Variants in TEAD1 observed in about 807,000 individuals in gnomAD.
The protein encoded by TEAD1 is TEA domain transcription factor 1, also known as transcriptional enhancer factor TEF-1.
Under a neutral mutation model 54.9 loss-of-function variants are expected in TEAD1, and 9 were observed. The observed-to-expected ratio is 0.16, with a 90% CI of 0.10 to 0.29. The LOEUF (loss-of-function observed/expected upper bound fraction) is 0.29, where lower values mean the gene tolerates loss of function less well. Ranked by LOEUF, TEAD1 falls within the 10% of genes least tolerant of loss-of-function variation. The probability of loss-of-function intolerance (pLI) is 1.00; values close to 1 mark genes in which losing one functional copy is unlikely to be tolerated. For synonymous variants in TEAD1, 200 were observed against 187.8 expected (o/e 1.07, Z -0.53); for missense variants, 387 against 535.9 (o/e 0.72, Z 2.74).
chr11:12,836,141 C>G (rs1420665375), intron 3 of TEAD1, among the ~76,000 whole-genome samples: 1 of 151,996 alleles, frequency 6.6e-6, no homozygotes, highest in Non-Finnish European at 1.5e-5. Context: ...ATCTTTTAGG[C>G]CGGGTGTGGT....
intron 2 of TEAD1, among the ~76,000 whole-genome samples, chr11:12,707,625 G>A (rs1010978629): frequency 2.6e-5 from 4 of 152,248 alleles, no homozygotes; most frequent in Admixed American, 2.0e-4. Context: ...CTGCTAGAGA[G>A]AGAGAGGGTG....
At chr11:12,734,784 T>C (rs946199946) in intron 2 of TEAD1, among the ~76,000 whole-genome samples, 9 of 152,204 alleles carry the variant, frequency 5.9e-5, no homozygotes, top group Non-Finnish European at 1.2e-4. Flanking sequence ...GGATATACCA[T>C]GTAGGTTTGT....
chr11:12,748,480 AG>A (rs1008066020), intron 2 of TEAD1, among the ~76,000 whole-genome samples: 1 of 152,194 alleles, frequency 6.6e-6, no homozygotes, highest in Non-Finnish European at 1.5e-5. Flanking sequence ...GTGAAAGGCC[AG>A]GGGTCTCATA....
chr11:12,677,583 GTTC>G (rs1401137653), intron 2 of TEAD1, among the ~76,000 whole-genome samples: 1 of 152,158 alleles, frequency 6.6e-6, no homozygotes, highest in African/African-American at 2.4e-5. Context: ...TGTTTTGTTG[GTTC>G]TTAGAATACA....
chr11:12,894,155 A>AT lies in TEAD1; in HGVS notation c.700-7778dup, dbSNP rs1336682441. Among the ~76,000 whole-genome samples the AT allele has an allele frequency of 3.9e-5, 6 of 152,194 alleles. No homozygotes were observed. The South Asian group carries it at 6.2e-4, about 16-fold the overall frequency. On this transcript the variant is annotated intron_variant, in intron 9 of 12. Transcript: ENST00000527636. Reference sequence around the variant, plus strand: ...TCTTTAAATTCCTAAGTGGATTATAATTTTTTTCTTGGTATTATTTGACAG... The same window carrying AT: ...TCTTTAAATTCCTAAGTGGATTATAATTTTTTTTCTTGGTATTATTTGACAG...
intron 3 of TEAD1, among the ~76,000 whole-genome samples, chr11:12,772,041 T>C (rs1945322220): frequency 6.6e-6 from 1 of 152,200 alleles, no homozygotes; most frequent in South Asian, 2.1e-4. Context: ...CTGGGCTAGC[T>C]GCAGTCTGGG....
chr11:12,704,271 A>T (rs535272128), intron 2 of TEAD1, among the ~76,000 whole-genome samples: 2 of 152,314 alleles, frequency 1.3e-5, no homozygotes, highest in South Asian at 4.1e-4. Context: ...CGGAGGGGCC[A>T]CTGTTTTCCT....
chr11:12,904,612 C>T (rs1442403626), intron 10 of TEAD1, among the ~76,000 whole-genome samples: 3 of 152,128 alleles, frequency 2.0e-5, no homozygotes, highest in African/African-American at 2.4e-5. Context: ...TAATGTAAAG[C>T]AGCACTACCT....
At chr11:12,743,372 C>T (rs1944684251) in intron 2 of TEAD1, among the ~76,000 whole-genome samples, 1 of 152,154 alleles carries the variant, frequency 6.6e-6, no homozygotes, top group Non-Finnish European at 1.5e-5. Context: ...TATCCCCAGA[C>T]TTTAGTATTT....
At chr11:12,879,538 G>C in intron 5 of TEAD1, 170 bp from the exon 6 acceptor site, 1 of 792,556 alleles carries the variant, frequency 1.3e-6, no homozygotes. Flanking sequence ...GGTACGGTAG[G>C]TTGAGTGTGG....
chr11:12,932,585 C>T (rs1039498261), intron 12 of TEAD1, among the ~76,000 whole-genome samples: 3 of 152,142 alleles, frequency 2.0e-5, no homozygotes, highest in Non-Finnish European at 4.4e-5. Context: ...TACAGTTGTG[C>T]ACTGCATAGC....
intron 3 of TEAD1, chr11:12,851,024 T>C: frequency 2.1e-6 from 2 of 966,678 alleles, no homozygotes; most frequent in Non-Finnish European, 2.5e-6. Flanking sequence ...TTGGCAGTGC[T>C]GTCTAATTTT....
intron 3 of TEAD1, among the ~76,000 whole-genome samples, chr11:12,816,181 C>A (rs758936787): frequency 6.6e-5 from 10 of 152,318 alleles, no homozygotes; most frequent in Non-Finnish European, 1.2e-4. Flanking sequence ...TTTTATCAAT[C>A]CGATACTGTT....
At chr11:12,912,491 A>C (rs781336331) in intron 10 of TEAD1, among the ~76,000 whole-genome samples, 1 of 152,148 alleles carries the variant, frequency 6.6e-6, no homozygotes, top group Non-Finnish European at 1.5e-5. Context: ...TCATGTACAG[A>C]CAAGGAGTCC....
At chr11:12,762,275 C>G (rs1945117664) in intron 2 of TEAD1, among the ~76,000 whole-genome samples, 1 of 152,134 alleles carries the variant, frequency 6.6e-6, no homozygotes. Context: ...CTAGCCACTG[C>G]TCAAAGAATT....
At chr11:12,853,472 T>A (rs1947313842) in intron 3 of TEAD1, among the ~76,000 whole-genome samples, 1 of 152,156 alleles carries the variant, frequency 6.6e-6, no homozygotes, top group Non-Finnish European at 1.5e-5. Context: ...AGAAAAATGA[T>A]CAGAGGCATA....
At chr11:12,915,905 C>T (rs757348541) in intron 10 of TEAD1, among the ~76,000 whole-genome samples, 12 of 152,118 alleles carry the variant, frequency 7.9e-5, no homozygotes, top group Admixed American at 3.9e-4. Flanking sequence ...AGAGGAGAAA[C>T]GAATCCAGAC....
At chr11:12,679,306 T>G (rs140959891) in intron 2 of TEAD1, among the ~76,000 whole-genome samples, 2 of 152,340 alleles carry the variant, frequency 1.3e-5, no homozygotes, top group African/African-American at 4.8e-5. Context: ...GATTCACATT[T>G]GTTTTGAAGG....
At chr11:12,725,355 G>A (rs1410411842) in intron 2 of TEAD1, among the ~76,000 whole-genome samples, 1 of 152,118 alleles carries the variant, frequency 6.6e-6, no homozygotes, top group African/African-American at 2.4e-5. Flanking sequence ...AACTTTTTCT[G>A]CATAAGAAAT....
Sources: allele counts gnomAD v4.1 joint callset (sites outside exome capture counted in the v4.1 genomes callset), GRCh38; gene constraint gnomAD v4.1.1; transcripts MANE v1.5; gene names NCBI Gene and HGNC (gene_info 2026-07-23, HGNC 2026-07-21).